Variants in CCDC73 observed in about 807,000 individuals in gnomAD.
The protein encoded by CCDC73 is coiled-coil domain-containing protein 73.
A neutral mutation model predicts 116.5 loss-of-function variants in CCDC73; 95 were observed. The observed-to-expected ratio is 0.82, with a 90% CI of 0.69 to 0.97. The LOEUF is 0.97. Ranked by LOEUF, CCDC73 falls within the 50% of genes least tolerant of loss-of-function variation. The pLI, the probability that CCDC73 is intolerant of heterozygous loss-of-function variation, is 0.00. For missense variants in CCDC73, 1,066 were observed against 1,206.8 expected, an observed-to-expected ratio of 0.88 and a Z score of 1.73; for synonymous variants, 398 against 401.3, an observed-to-expected ratio of 0.99 and a Z score of 0.10.
At chr11:32,675,737 C>T (rs1408903473) in intron 8 of CCDC73, 93 bp from the exon 9 acceptor site, 2 of 1,213,396 alleles carry the variant, frequency 1.6e-6, no homozygotes, top group Middle Eastern at 2.0e-4. Context: ...AGTAACAATG[C>T]AATATATATG....
intron 2 of CCDC73, among the ~76,000 whole-genome samples, chr11:32,733,943 G>A (rs185444110): frequency 2.3e-4 from 34 of 150,748 alleles, no homozygotes; most frequent in Non-Finnish European, 4.0e-4. Flanking sequence ...AGTAGATAGA[G>A]ACACAAAAAA....
chr11:32,655,363 T>A (rs1449636955), intron 9 of CCDC73, among the ~76,000 whole-genome samples: 1 of 152,148 alleles, frequency 6.6e-6, no homozygotes, highest in African/African-American at 2.4e-5. Flanking sequence ...TACAATACAA[T>A]GTAATGAGTG....
At chr11:32,694,704 A>G (rs1000750355) in intron 6 of CCDC73, among the ~76,000 whole-genome samples, 1 of 152,274 alleles carries the variant, frequency 6.6e-6, no homozygotes, top group African/African-American at 2.4e-5. Context: ...GTACTTAAGC[A>G]AGATGAACAA....
chr11:32,772,216 A>C (rs1297560525), intron 1 of CCDC73, among the ~76,000 whole-genome samples: 1 of 152,090 alleles, frequency 6.6e-6, no homozygotes, highest in Non-Finnish European at 1.5e-5. Context: ...TGCTCTCTAC[A>C]TTGTCTCTTT....
chr11:32,610,084 C>T lies in CCDC73; in HGVS notation c.3030+1048G>A, dbSNP rs141874699. 1.1e-3 allele frequency among the ~76,000 whole-genome samples: 166 copies of T among 152,142 alleles called. 1 individual carries two copies. The East Asian group carries it at 0.013, about 12-fold the overall frequency. Reference sequence around the variant, plus strand: ...GATTACAGGCATGAGCCACTGCACCCGGCCGGCAAAAGGCAGTTCTTACAT... The same window carrying T: ...GATTACAGGCATGAGCCACTGCACCTGGCCGGCAAAAGGCAGTTCTTACAT... On this transcript the variant is annotated intron_variant, in intron 17 of 17. Coordinates refer to ENST00000335185, the MANE Select transcript of CCDC73 (RefSeq NM_001008391.4).
At position 32,614,600 on chromosome 11, in the gene CCDC73, T is replaced by C; in HGVS notation, c.1718A>G (p.Lys573Arg). 3 of 1,611,422 alleles carry C rather than the reference T, an allele frequency of 1.9e-6. No homozygotes were observed. The highest frequency in any genetic ancestry group is 2.5e-6 in the Non-Finnish European group (3 of 1,178,042). ...TDVNLEVENN[K>R]TSFNSILNET... ...ATTTAAAATACTGTTAAATGATGTT[T>C]TGTTATTTTCAACCTCCAGATTTAC... The change falls in exon 16 of 18, where the codon AAA becomes AGA. Residue 573 changes from lysine to arginine, a missense_variant. Lys to Arg is a conservative substitution (Grantham distance 26). Coordinates refer to ENST00000335185, the MANE Select transcript of CCDC73 (RefSeq NM_001008391.4).
chr11:32,768,846 A>G (rs1394257881), intron 1 of CCDC73, among the ~76,000 whole-genome samples: 1 of 152,216 alleles, frequency 6.6e-6, no homozygotes, highest in African/African-American at 2.4e-5. Context: ...CTCCATCTCA[A>G]AAAAATAAAA....
At chr11:32,729,819 C>G (rs535413333) in intron 2 of CCDC73, among the ~76,000 whole-genome samples, 15 of 152,294 alleles carry the variant, frequency 9.8e-5, no homozygotes, top group African/African-American at 3.6e-4. Flanking sequence ...GTGAAAAAAT[C>G]TACCTACCTC....
At chr11:32,791,972 A>G (rs1850680274) in intron 1 of CCDC73, among the ~76,000 whole-genome samples, 1 of 136,408 alleles carries the variant, frequency 7.3e-6, no homozygotes, top group Admixed American at 8.2e-5. Context: ...CTCAAAAAAA[A>G]AAACCACACA....
At chr11:32,727,285 AGT>A (rs1318473082) in intron 2 of CCDC73, among the ~76,000 whole-genome samples, 1 of 152,224 alleles carries the variant, frequency 6.6e-6, no homozygotes, top group African/African-American at 2.4e-5. Context: ...TAGTTAAGGT[AGT>A]GTCTTCCAGG....
intron 2 of CCDC73, among the ~76,000 whole-genome samples, chr11:32,726,849 G>A (rs1850033948): frequency 1.3e-5 from 2 of 152,054 alleles, no homozygotes; most frequent in Non-Finnish European, 2.9e-5. Context: ...TAGCCCATAT[G>A]TTGAAGAAGA....
intron 6 of CCDC73, among the ~76,000 whole-genome samples, chr11:32,690,916 A>C (rs939378212): frequency 1.9e-4 from 29 of 152,168 alleles, no homozygotes; most frequent in African/African-American, 7.0e-4. Context: ...TTGGTATTGT[A>C]CATTCTATGG....
chr11:32,651,037 A>G (rs1855821615), intron 12 of CCDC73, among the ~76,000 whole-genome samples: 1 of 152,170 alleles, frequency 6.6e-6, no homozygotes, highest in Admixed American at 6.5e-5. Flanking sequence ...ACAGACCCTC[A>G]TAAGGTGCCT....
chr11:32,778,633 G>A (rs1018757916), intron 1 of CCDC73, among the ~76,000 whole-genome samples: 1 of 152,020 alleles, frequency 6.6e-6, no homozygotes, highest in African/African-American at 2.4e-5. Flanking sequence ...CCAACATGGT[G>A]AAACCCCGTC....
chr11:32,823,371 G>T, the CCDC73 span, among the ~76,000 whole-genome samples: 1 of 152,098 alleles, frequency 6.6e-6, no homozygotes, highest in African/African-American at 2.4e-5. Context: ...CAACGCAGGG[G>T]GCTAAGGCAG....
At chr11:32,675,825 T>C in intron 8 of CCDC73, 61 bp downstream of exon 8, 1 of 1,389,342 alleles carries the variant, frequency 7.2e-7, no homozygotes, top group Non-Finnish European at 9.9e-7. Context: ...GTATTCATAG[T>C]AAATAAGTCC....
upstream of CCDC73, among the ~76,000 whole-genome samples, chr11:32,796,440 T>C (rs1850728616): frequency 6.6e-6 from 1 of 152,208 alleles, no homozygotes; most frequent in African/African-American, 2.4e-5. Context: ...TTTACATACA[T>C]CATCTCATCT....
intron 9 of CCDC73, among the ~76,000 whole-genome samples, chr11:32,661,444 TC>T (rs920858026): frequency 5.0e-5 from 6 of 120,096 alleles, no homozygotes; most frequent in African/African-American, 1.3e-4. Flanking sequence ...ATGCTATCCC[TC>T]CCCCCTCCCC....
Position 32,760,110 on chromosome 11 carries a change from C to T in CCDC73, c.134G>A (p.Arg45Lys). ...AAAGCATTTTAAAAAGGAGCTTACC[C>T]TTCTCATACGCAATTCTTCTAATGC... ...LEALEELRMR[R>K]EAEIHYEEQI... The change falls in exon 2 of 18, where the codon AGG becomes AAG. Residue 45 changes from arginine (R) to lysine (K), a missense_variant and splice_region_variant. By Grantham distance (26) the Arg-to-Lys change is conservative (BLOSUM62 2). Transcript: ENST00000335185. 1.3e-6 allele frequency: 2 copies of T among 1,597,030 alleles called. No homozygotes were observed. Among genetic ancestry groups the T allele is most frequent in the Non-Finnish European group, 1.7e-6 (2 of 1,173,832 alleles).
Sources: allele counts gnomAD v4.1 joint callset (sites outside exome capture counted in the v4.1 genomes callset), GRCh38; gene constraint gnomAD v4.1.1; transcripts MANE v1.5; gene names NCBI Gene and HGNC (gene_info 2026-07-23, HGNC 2026-07-21).